The following IRAG1 variants were observed in gnomAD, a reference collection of about 807,000 sequenced individuals.
IRAG1 encodes inositol 1,4,5-triphosphate receptor associated 1, also known as IP3R-associated cGMP kinase substrate.
A neutral mutation model predicts 106.2 loss-of-function variants in IRAG1; 62 were observed. The observed-to-expected ratio is 0.58, with a 90% CI of 0.48 to 0.72. The LOEUF is 0.72. Ranked by LOEUF, IRAG1 falls within the 30% of genes least tolerant of loss-of-function variation. The pLI, the probability that IRAG1 is intolerant of heterozygous loss-of-function variation, is 0.00. For missense variants in IRAG1, 1,064 were observed against 1,140.7 expected (o/e 0.93, Z 0.97); for synonymous variants, 462 against 443.9 (o/e 1.04, Z -0.51).
intron 1 of IRAG1, among the ~76,000 whole-genome samples, chr11:10,673,681 A>T (rs376236310): frequency 1.3e-5 from 2 of 151,962 alleles, no homozygotes; most frequent in African/African-American, 2.4e-5. Flanking sequence ...GCTGTTTAAA[A>T]TTTTTTCTAA....
At chr11:10,654,519 C>T (rs1419299065) in intron 1 of IRAG1, among the ~76,000 whole-genome samples, 1 of 152,182 alleles carries the variant, frequency 6.6e-6, no homozygotes, top group African/African-American at 2.4e-5. Flanking sequence ...TAGAGTCATT[C>T]ATTCTTTCAC....
intron 3 of IRAG1, among the ~76,000 whole-genome samples, chr11:10,632,348 G>A (rs142232247): frequency 0.053 from 8,116 of 152,008 alleles, 280 homozygotes; most frequent in Admixed American, 0.11. Context: ...ACCACACCCA[G>A]CTAATTTTTG....
At chr11:10,654,912 C>G (rs566009729) in intron 1 of IRAG1, among the ~76,000 whole-genome samples, 4 of 152,332 alleles carry the variant, frequency 2.6e-5, no homozygotes, top group Admixed American at 6.5e-5. Context: ...GGCATGCTGT[C>G]TGTGTCTTCC....
At position 10,680,524 on chromosome 11, in the gene IRAG1, A is replaced by AAAGGAAGGAAGG. The variant is rs368939954; in HGVS notation, c.67+13000_67+13011dup. Among the ~76,000 whole-genome samples, 269 of 139,132 alleles carry AAAGGAAGGAAGG rather than the reference A, an allele frequency of 1.9e-3. 1 individual carries two copies. The highest frequency in any genetic ancestry group is 7.0e-3 in the African/African-American group (239 of 34,178). The allele number at this position is 139,132 out of a possible 152,430, so 91.3% of individuals were successfully genotyped here. A position where few individuals can be genotyped will look rare whatever the true frequency, so the allele number is the denominator to read the frequency against. On this transcript the variant is annotated intron_variant, in intron 1 of 20. Transcript: ENST00000423302. Reference sequence around the variant, plus strand: ...GAGAGAAAGGGAAAAAGAAAGGAAGAAAGGAAGGAAGGAAGGGGAAGGGGA... The same window carrying AAAGGAAGGAAGG: ...GAGAGAAAGGGAAAAAGAAAGGAAGAAAGGAAGGAAGGAAGGAAGGAAGGAAGGGGAAGGGGA...
chr11:10,692,971 C>T (rs902909455), intron 1 of IRAG1, among the ~76,000 whole-genome samples: 1 of 152,206 alleles, frequency 6.6e-6, no homozygotes, highest in African/African-American at 2.4e-5. Flanking sequence ...AGGGCACAGG[C>T]CAGGGGAAGC....
At chr11:10,589,622 A>C (rs753665214) in intron 18 of IRAG1, among the ~76,000 whole-genome samples, 3 of 152,098 alleles carry the variant, frequency 2.0e-5, no homozygotes, top group Non-Finnish European at 2.9e-5. Context: ...CCAGAAGGGG[A>C]AGCTGTTGTT....
chr11:10,646,017 GA>G (rs1240066129), intron 2 of IRAG1, among the ~76,000 whole-genome samples: 3 of 152,192 alleles, frequency 2.0e-5, no homozygotes, highest in Admixed American at 2.0e-4. Flanking sequence ...GAATAATGAG[GA>G]ATCACTTATC....
intron 1 of IRAG1, chr11:10,687,506 T>A: frequency 7.8e-6 from 3 of 384,796 alleles, no homozygotes; most frequent in Non-Finnish European, 1.2e-5. Flanking sequence ...AAAACCTACT[T>A]GCCTGTTGAT....
At chr11:10,586,411 C>T (rs1851997977) in intron 18 of IRAG1, among the ~76,000 whole-genome samples, 1 of 150,532 alleles carries the variant, frequency 6.6e-6, no homozygotes, top group African/African-American at 2.4e-5. Context: ...TAAAGTTGAT[C>T]TCTCCTTTTT....
In IRAG1 at chr11:10,583,870, G is replaced by A. The variant is rs118102285; in HGVS notation, c.2241-1884C>T. 1.6e-3 allele frequency among the ~76,000 whole-genome samples: 237 copies of A among 152,262 alleles called. 2 individuals are homozygous for A. In the East Asian group the frequency reaches 0.026, roughly 16 times the overall value. On this transcript the variant is annotated intron_variant, in intron 18 of 20. Transcript: ENST00000423302. The stretch of plus-strand genomic sequence containing the variant: ...GGGCTCCTATGGGAATGTAGCTTAG[G>A]TATTCTCTATAAAGTGGAAGGCAAG...
chr11:10,670,881 G>A, intron 1 of IRAG1, among the ~76,000 whole-genome samples: 1 of 152,322 alleles, frequency 6.6e-6, no homozygotes, highest in Middle Eastern at 3.4e-3. Flanking sequence ...CAGACCTGCT[G>A]ATACCTTGAT....
chr11:10,677,661 G>C (rs1255679215), intron 1 of IRAG1, among the ~76,000 whole-genome samples: 2 of 152,174 alleles, frequency 1.3e-5, no homozygotes, highest in Admixed American at 6.5e-5. Context: ...CCATTTTGAA[G>C]TGTACAATTC....
At chr11:10,608,973 C>T (rs1350572352) in intron 11 of IRAG1, among the ~76,000 whole-genome samples, 3 of 152,132 alleles carry the variant, frequency 2.0e-5, no homozygotes, top group Admixed American at 2.0e-4. Flanking sequence ...GGTCTATGAT[C>T]CATTATGAGT....
chr11:10,670,128 C>T (rs890716708), intron 1 of IRAG1, among the ~76,000 whole-genome samples: 6 of 152,224 alleles, frequency 3.9e-5, no homozygotes, highest in Admixed American at 3.9e-4. Flanking sequence ...GGAGTAGCTA[C>T]ATCTTGAGCT....
At position 10,626,393 on chromosome 11, in the gene IRAG1, C is replaced by T. The variant is rs1856247915; in HGVS notation, c.941G>A (p.Gly314Glu). 1 of 1,613,936 alleles carries T rather than the reference C, an allele frequency of 6.2e-7. No homozygotes were observed. ...KGLAPVTNSS[G>E]KMALNSPQPG... ...CTGAGGGCTGTTCAGGGCCATTTTCCCACTGCTGTTTGTAACAGGAGCTAG... is the reference window on the plus strand; with the variant it reads ...CTGAGGGCTGTTCAGGGCCATTTTCTCACTGCTGTTTGTAACAGGAGCTAG... The change falls in exon 9 of 21, where the codon GGG becomes GAG. Residue 314 changes from glycine to glutamate, a missense_variant. Coordinates refer to ENST00000423302, the MANE Select transcript of IRAG1 (RefSeq NM_130385.4).
intron 10 of IRAG1, among the ~76,000 whole-genome samples, chr11:10,622,059 A>C (rs2134519566): frequency 6.6e-6 from 1 of 152,342 alleles, no homozygotes; most frequent in African/African-American, 2.4e-5. Flanking sequence ...GAATGTACTT[A>C]CTGCCACTGA....
intron 11 of IRAG1, among the ~76,000 whole-genome samples, chr11:10,607,657 A>C (rs1346165111): frequency 7.8e-6 from 1 of 128,118 alleles, no homozygotes; most frequent in African/African-American, 2.7e-5. Context: ...ACTTGGCAAC[A>C]GAGCATGCCA....
chr11:10,653,462 A>G (rs1160627150), intron 1 of IRAG1, among the ~76,000 whole-genome samples: 2 of 152,218 alleles, frequency 1.3e-5, no homozygotes, highest in African/African-American at 4.8e-5. Context: ...TGATCCTGCC[A>G]ACAGACCTGA....
At chr11:10,690,409 C>G in intron 1 of IRAG1, 4 of 1,286,016 alleles carry the variant, frequency 3.1e-6, no homozygotes, top group Non-Finnish European at 4.1e-6. Flanking sequence ...ACCAACTGTC[C>G]TCTGCTTTCC....
Sources: gnomAD v4.1 joint callset for allele counts (sites outside exome capture counted in the v4.1 genomes callset) on GRCh38, gnomAD v4.1.1 for gene constraint, MANE v1.5 for transcripts, NCBI Gene and HGNC (gene_info 2026-07-23, HGNC 2026-07-21) for gene names.